Variants in ACTR5 observed in about 807,000 individuals in gnomAD.
ACTR5 encodes actin-related protein 5.
ACTR5 carries 43 observed loss-of-function variants against 61.2 expected under a neutral mutation model. The ratio of observed to expected loss-of-function variants is 0.70; its 90% CI spans 0.55 to 0.91. The LOEUF (loss-of-function observed/expected upper bound fraction) is 0.91, where lower values mean the gene tolerates loss of function less well. ACTR5 is among the 40% of genes least tolerant of loss of function. ACTR5 has a pLI of 0.00. For synonymous variants in ACTR5, 333 were observed against 310.5 expected, an observed-to-expected ratio of 1.07 and a Z score of -0.76; for missense variants, 798 against 782.2, an observed-to-expected ratio of 1.02 and a Z score of -0.24.
intron 5 of ACTR5, among the ~76,000 whole-genome samples, chr20:38,759,574 T>A (rs565637144): frequency 2.0e-5 from 3 of 151,592 alleles, no homozygotes; most frequent in African/African-American, 7.3e-5. Context: ...TGAATGTTGA[T>A]TTTTTTTTGG....
At chr20:38,752,030 G>A in intron 2 of ACTR5, 101 bp from the exon 3 acceptor site, 1 of 1,351,374 alleles carries the variant, frequency 7.4e-7, no homozygotes, top group Non-Finnish European at 1.0e-6. Flanking sequence ...CTGCTGGTCT[G>A]TTTCTTCTTT....
At chr20:38,752,000 T>A in intron 2 of ACTR5, 131 bp from the exon 3 acceptor site, 1 of 1,028,000 alleles carries the variant, frequency 9.7e-7, no homozygotes, top group Admixed American at 2.7e-5. Flanking sequence ...CCCTTCTGAC[T>A]ATCAGGTTTT....
rs2084411266 is a variant in ACTR5, at chr20:38,755,037, G to A, written c.856G>A (p.Gly286Ser). ...MQLPFSSKLL[G>S]STLTSEEKQE... is the part of the protein sequence containing the mutation. ...GCTCCCATTTTCCAGCAAGCTCCTG[G>A]GCAGCACTCTGACCTCTGAGGAGAA... The change falls in exon 4 of 9, where the codon GGC becomes AGC. Residue 286 changes from glycine to serine, a missense_variant. Gly to Ser is a moderately conservative substitution (Grantham distance 56). Transcript: ENST00000243903. The A allele has an allele frequency of 6.2e-7, 1 of 1,614,098 alleles. No homozygotes were observed. Among genetic ancestry groups the A allele is most frequent in the African/African-American group, 1.3e-5 (1 of 74,930 alleles).
At chr20:38,756,474 T>G (rs982253029) in intron 5 of ACTR5, among the ~76,000 whole-genome samples, 1 of 152,238 alleles carries the variant, frequency 6.6e-6, no homozygotes, top group Non-Finnish European at 1.5e-5. Context: ...TTTACAGCAG[T>G]TGGTAGTTAT....
At position 38,755,942 on chromosome 20, in the gene ACTR5, A is replaced by G; in HGVS notation, c.1079A>G (p.Tyr360Cys). Residue 360 changes from tyrosine to cysteine, a missense_variant, in exon 5 of 9, where the codon TAC becomes TGC. Physicochemically the swap from Tyr to Cys is radical, Grantham distance 194. Transcript: ENST00000243903. Reference sequence around the variant, plus strand: ...GACTCCCCAGAAGAGCTGCAGTCCTACATCCAGAAGCTCAGTATAGCAGTG... The same window carrying G: ...GACTCCCCAGAAGAGCTGCAGTCCTGCATCCAGAAGCTCAGTATAGCAGTG... ...NMDSPEELQSYIQKLSIAVEQ... is the reference protein window; with the variant it reads ...NMDSPEELQSCIQKLSIAVEQ... The G allele has an allele frequency of 6.2e-7, 1 of 1,614,200 alleles. No homozygotes were observed. Among genetic ancestry groups the G allele is most frequent in the South Asian group, 1.1e-5 (1 of 91,084 alleles).
At chr20:38,756,230 G>C (rs1427720857) in intron 5 of ACTR5, among the ~76,000 whole-genome samples, 191 bp downstream of exon 5, 1 of 152,176 alleles carries the variant, frequency 6.6e-6, no homozygotes, top group Non-Finnish European at 1.5e-5. Context: ...TAGATCCCCG[G>C]ACCCCTGAGC....
chr20:38,752,140 T>C lies in ACTR5; in HGVS notation c.615T>C (p.Ala205=). 1 of 1,613,272 alleles carries C rather than the reference T, an allele frequency of 6.2e-7. No homozygotes were observed. The highest frequency in any genetic ancestry group is 1.1e-5 in the South Asian group (1 of 91,052). The change falls in exon 3 of 9, where the codon GCT becomes GCC. Residue 205 remains alanine (A), a synonymous_variant. Transcript: ENST00000243903. Reference sequence around the variant, plus strand: ...TACTGCTTGGTTATAGATTAGATGCTAAAAACTGCAAGCGCATCAATCTTG... The same window carrying C: ...TACTGCTTGGTTATAGATTAGATGCCAAAAACTGCAAGCGCATCAATCTTG... ...VLPILEGRLD[A]KNCKRINLGG...
rs895414165 is a variant in ACTR5 at position 38,748,554 on chromosome 20, C to T, written c.76C>T (p.His26Tyr). ...DPVLEAGPVA[H>Y]GPLPVPLVLD... ...AGTGCTGGAGGCCGGCCCGGTGGCA[C>T]ACGGGCCACTGCCGGTACCGCTGGT... is the stretch of plus-strand genomic sequence containing the variant. Residue 26 changes from histidine (H) to tyrosine (Y), a missense_variant, in exon 1 of 9, where the codon CAC becomes TAC. His to Tyr is a moderately conservative substitution (Grantham distance 83). Coordinates refer to ENST00000243903, the MANE Select transcript of ACTR5 (RefSeq NM_024855.4). The T allele has an allele frequency of 1.1e-4, 163 of 1,513,348 alleles. No individual in the cohort carries two copies. The highest frequency in any genetic ancestry group is 1.3e-4 in the Non-Finnish European group (142 of 1,134,634). 93.7% of individuals were successfully genotyped at this position (1,513,348 alleles called of 1,614,324 possible).
chr20:38,756,591 C>T (rs2084421415), intron 5 of ACTR5, among the ~76,000 whole-genome samples: 1 of 152,174 alleles, frequency 6.6e-6, no homozygotes, highest in African/African-American at 2.4e-5. Context: ...CTTCTGTTTC[C>T]TCACCCGTGC....
chr20:38,758,579 G>A (rs1248008428), intron 5 of ACTR5, among the ~76,000 whole-genome samples: 1 of 151,940 alleles, frequency 6.6e-6, no homozygotes, highest in Admixed American at 6.6e-5. Flanking sequence ...CCCAGGAGGC[G>A]GAGGTTGCAG....
At chr20:38,760,947 G>A (rs184940195) in intron 5 of ACTR5, among the ~76,000 whole-genome samples, 4 of 151,570 alleles carry the variant, frequency 2.6e-5, no homozygotes, top group East Asian at 3.9e-4. Context: ...TCAGACATTC[G>A]GAGCCTTCCA....
chr20:38,750,625 TTTTGTTTG>T (rs969972824), intron 2 of ACTR5, among the ~76,000 whole-genome samples: 2 of 145,466 alleles, frequency 1.4e-5, no homozygotes, highest in African/African-American at 2.8e-5. Context: ...TTGTTTTTGT[TTTTGTTTG>T]TTTGTTTGTT....
In ACTR5 at chr20:38,767,506, C is replaced by T. The variant is rs2084494781; in HGVS notation, c.1476C>T (p.Phe492=). The T allele has an allele frequency of 6.2e-7, 1 of 1,614,090 alleles. No homozygotes were observed. The highest frequency in any genetic ancestry group is 2.2e-5 in the East Asian group (1 of 44,882). Residue 492 remains phenylalanine, a synonymous_variant, in exon 8 of 9, where the codon TTC becomes TTT. Transcript: ENST00000243903. The part of the protein sequence containing the change: ...DIQEMLVQNV[F]LTGGNTMYPG... ...AGGAAATGCTGGTTCAGAACGTTTT[C>T]CTCACTGGCGGCAACACGATGTATC...
In ACTR5 at chr20:38,765,432, T is replaced by G; in HGVS notation, c.1207T>G (p.Leu403Val). 6.2e-7 allele frequency: 1 copy of G among 1,614,124 alleles called. No homozygotes were observed. The highest frequency in any genetic ancestry group is 8.5e-7 in the Non-Finnish European group (1 of 1,180,010). The change falls in exon 6 of 9, where the codon TTG becomes GTG. Residue 403 changes from leucine to valine, a missense_variant. By Grantham distance (32) the Leu-to-Val change is conservative. Coordinates refer to ENST00000243903, the MANE Select transcript of ACTR5 (RefSeq NM_024855.4). ...TPDLEQLEPS[L>V]EDVESMNDFD... ...TGACCTGGAGCAGCTGGAGCCGTCT[T>G]TGGAAGATGTGGAAAGCATGAATGA...
At chr20:38,764,832 G>C (rs1568637441) in intron 5 of ACTR5, among the ~76,000 whole-genome samples, 1 of 152,170 alleles carries the variant, frequency 6.6e-6, no homozygotes, top group African/African-American at 2.4e-5. Flanking sequence ...ACCACGCCCA[G>C]CTAATGTTTG....
At chr20:38,754,734 G>A (rs1049693045) in intron 3 of ACTR5, among the ~76,000 whole-genome samples, 10 of 151,228 alleles carry the variant, frequency 6.6e-5, no homozygotes, top group African/African-American at 9.7e-5. Flanking sequence ...GATCACAGGT[G>A]CCCGCCACCA....
At chr20:38,748,958 C>T (rs929213811) in intron 1 of ACTR5, 105 bp downstream of exon 1, 1 of 1,390,764 alleles carries the variant, frequency 7.2e-7, no homozygotes, top group South Asian at 1.5e-5. Context: ...TCAGTAGCTC[C>T]GATTGTCTTT....
intron 7 of ACTR5, 113 bp from the exon 8 acceptor site, chr20:38,767,351 A>G: frequency 1.2e-6 from 1 of 827,902 alleles, no homozygotes; most frequent in Non-Finnish European, 1.7e-6. Flanking sequence ...TTTTTTTTTT[A>G]GCTTTTTGTG....
intron 5 of ACTR5, among the ~76,000 whole-genome samples, chr20:38,760,547 C>G (rs952469936): frequency 1.7e-4 from 26 of 152,304 alleles, no homozygotes; most frequent in Non-Finnish European, 2.9e-4. Flanking sequence ...ACAAGAGTAG[C>G]AGTGTTGATA....
Sources: gnomAD v4.1 joint callset for allele counts (sites outside exome capture counted in the v4.1 genomes callset) on GRCh38, gnomAD v4.1.1 for gene constraint, MANE v1.5 for transcripts, NCBI Gene and HGNC (gene_info 2026-07-23, HGNC 2026-07-21) for gene names.